ZNF480: variants seen among roughly 807,000 people sequenced by gnomAD.
ZNF480 encodes the protein zinc finger protein 480.
A neutral mutation model predicts 14.4 loss-of-function variants in ZNF480; 15 were observed. The observed-to-expected ratio is 1.04, with a 90% CI of 0.70 to 1.60. The LOEUF (loss-of-function observed/expected upper bound fraction) is 1.60, where lower values mean the gene tolerates loss of function less well. Ranked by LOEUF, ZNF480 falls within the 40% of genes most tolerant of loss-of-function variation. The pLI is 0.00. For synonymous variants in ZNF480, 218 were observed against 215.5 expected (o/e 1.01, Z -0.10); for missense variants, 593 against 629.7 (o/e 0.94, Z 0.62).
At chr19:52,308,550 A>G (rs979439995) in intron 2 of ZNF480, 1 of 151,972 alleles carries the variant, frequency 6.6e-6, no homozygotes, top group African/African-American at 2.4e-5. Context: ...CAGGTGATCC[A>G]CCCACCTCAG....
chr19:52,309,941 T>C (rs1427718267), intron 2 of ZNF480, among the ~76,000 whole-genome samples: 1 of 152,222 alleles, frequency 6.6e-6, no homozygotes, highest in Non-Finnish European at 1.5e-5. Context: ...CTAAGGGAGA[T>C]GTCAGATGTT....
At position 52,324,300 on chromosome 19, in the gene ZNF480, TA is replaced by T. The variant is rs1181700142; in HGVS notation, c.*1447del. 1 of 152,012 alleles carries T rather than the reference TA, an allele frequency of 6.6e-6. No individual in the cohort carries two copies. The highest frequency in any genetic ancestry group is 1.5e-5 in the Non-Finnish European group (1 of 67,948). 9.4% of individuals were successfully genotyped at this position (152,012 alleles called of 1,614,324 possible). On this transcript the variant is annotated 3_prime_UTR_variant, in exon 5 of 5. Coordinates refer to ENST00000595962, the MANE Select transcript of ZNF480 (RefSeq NM_144684.4). The stretch of plus-strand genomic sequence containing the variant: ...CAGTGCACAAAGAAATCAGAAACAA[TA>T]AAAATTGAAAAATATCTCATGCTCA...
rs776360489 is a variant in ZNF480 at position 52,325,515 on chromosome 19, C to A, written c.*2657C>A. ...CTCAATAGCAAAGATGTGGAATCAA[C>A]GTAAATGCCCATCAGCAGTAGACCA... is the stretch of plus-strand genomic sequence containing the variant. On this transcript the variant is annotated 3_prime_UTR_variant, in exon 5 of 5. Coordinates refer to ENST00000595962, the MANE Select transcript of ZNF480 (RefSeq NM_144684.4). 1.6e-4 allele frequency: 25 copies of A among 152,144 alleles called. No homozygotes were observed. Among genetic ancestry groups the A allele is most frequent in the African/African-American group, 6.0e-4 (25 of 41,434 alleles). 9.4% of individuals were successfully genotyped at this position (152,144 alleles called of 1,614,324 possible).
rs142096408 is a variant in ZNF480, at chr19:52,317,809, A to G, written c.328+1847A>G. 1.5e-4 allele frequency among the ~76,000 whole-genome samples: 23 copies of G among 152,260 alleles called. No homozygotes were observed. In the East Asian group the frequency reaches 4.4e-3, roughly 29 times the overall value. On this transcript the variant is annotated intron_variant, in intron 4 of 4. Coordinates refer to ENST00000595962, the MANE Select transcript of ZNF480 (RefSeq NM_144684.4). ...AATTTTCCACCAACAGTGGCACAAA[A>G]TTCTCCTATTTCTCCATATTTTCGA...
At chr19:52,315,663 T>G (rs944856611) in intron 3 of ZNF480, among the ~76,000 whole-genome samples, 171 bp from the exon 4 acceptor site, 8 of 152,152 alleles carry the variant, frequency 5.3e-5, no homozygotes, top group African/African-American at 1.9e-4. Context: ...GGAAAGGGGC[T>G]TGATGTCTGC....
Position 52,322,426 on chromosome 19 carries a change from T to C in ZNF480, c.1176T>C (p.Ile392=). ...CGCACCTAGCACAACATTGGAGAAT[T>C]CATACAGGAGAGAAACCTTACAAAT... ...QNSHLAQHWR[I]HTGEKPYKCN... The change falls in exon 5 of 5, where the codon ATT becomes ATC. Residue 392 remains isoleucine, a synonymous_variant. Transcript: ENST00000595962. 6.2e-7 allele frequency: 1 copy of C among 1,613,970 alleles called. No homozygotes were observed. The highest frequency in any genetic ancestry group is 8.5e-7 in the Non-Finnish European group (1 of 1,179,972).
intron 1 of ZNF480, among the ~76,000 whole-genome samples, chr19:52,298,743 G>A (rs935078720): frequency 3.9e-5 from 6 of 152,076 alleles, no homozygotes; most frequent in African/African-American, 1.4e-4. Flanking sequence ...AGAACAGGTG[G>A]AAGAGAAGGA....
chr19:52,297,401 G>A (rs1036788258), intron 1 of ZNF480, among the ~76,000 whole-genome samples, 178 bp downstream of exon 1: 3 of 151,660 alleles, frequency 2.0e-5, no homozygotes, highest in African/African-American at 7.3e-5. Flanking sequence ...AAATCGCTCG[G>A]CGGCGGGTCC....
chr19:52,309,108 C>T (rs1983145263), intron 2 of ZNF480, among the ~76,000 whole-genome samples: 1 of 152,104 alleles, frequency 6.6e-6, no homozygotes, highest in African/African-American at 2.4e-5. Context: ...GTAAAATTCT[C>T]AGTGATTGTT....
chr19:52,316,307 AC>A (rs1983556126), intron 4 of ZNF480, among the ~76,000 whole-genome samples: 1 of 150,130 alleles, frequency 6.7e-6, no homozygotes, highest in Non-Finnish European at 1.5e-5. Flanking sequence ...GTTCATTGCA[AC>A]CTCTGCCTCC....
chr19:52,311,298 A>C (rs1983273320), intron 2 of ZNF480, among the ~76,000 whole-genome samples: 1 of 151,940 alleles, frequency 6.6e-6, no homozygotes. Context: ...ACCCTAGGCA[A>C]CATACTGAAA....
chr19:52,306,108 C>T (rs1386234835), intron 2 of ZNF480, among the ~76,000 whole-genome samples: 1 of 152,100 alleles, frequency 6.6e-6, no homozygotes, highest in East Asian at 1.9e-4. Flanking sequence ...CCTCCAATAC[C>T]ATCACAAGCT....
chr19:52,322,964 T>C lies in ZNF480; in HGVS notation c.*106T>C, dbSNP rs564633009. On this transcript the variant is annotated 3_prime_UTR_variant, in exon 5 of 5. Coordinates refer to ENST00000595962, the MANE Select transcript of ZNF480 (RefSeq NM_144684.4). The stretch of plus-strand genomic sequence containing the variant: ...AGAAATTTTGCAAATGTAAAGAATA[T>C]GACAAGGTCTTCAAACACAAGTTTT... 3 of 973,976 alleles carry C rather than the reference T, an allele frequency of 3.1e-6. No homozygotes were observed. In the African/African-American group the frequency reaches 4.9e-5, roughly 16 times the overall value. The allele number at this position is 973,976 out of a possible 1,614,324, so 60.3% of individuals were successfully genotyped here.
Position 52,325,632 on chromosome 19 carries a change from C to T in ZNF480, c.*2774C>T, listed in dbSNP as rs1391218607. On this transcript the variant is annotated 3_prime_UTR_variant, in exon 5 of 5. Coordinates refer to ENST00000595962, the MANE Select transcript of ZNF480 (RefSeq NM_144684.4). ...GTCCTTTACAGCAACATAGATGGAG[C>T]TGAGGCTCTTATCCTAAGTGAATTA... 1 of 152,198 alleles carries T rather than the reference C, an allele frequency of 6.6e-6. No homozygotes were observed. Among genetic ancestry groups the T allele is most frequent in the Non-Finnish European group, 1.5e-5 (1 of 68,048 alleles). The allele number at this position is 152,198 out of a possible 1,614,324, so 9.4% of individuals were successfully genotyped here. A position where few individuals can be genotyped will look rare whatever the true frequency, so the allele number is the denominator to read the frequency against.
chr19:52,309,507 A>C (rs1983165556), intron 2 of ZNF480, among the ~76,000 whole-genome samples: 1 of 152,162 alleles, frequency 6.6e-6, no homozygotes, highest in South Asian at 2.1e-4. Flanking sequence ...GGGCCCTGTT[A>C]CTTCAATGCT....
chr19:52,300,836 A>G, intron 2 of ZNF480: 1 of 288,662 alleles, frequency 3.5e-6, no homozygotes, highest in Admixed American at 4.5e-5. Context: ...TCCTTATGGG[A>G]AACAAAACAT....
chr19:52,319,816 T>G (rs867171634), intron 4 of ZNF480, among the ~76,000 whole-genome samples: 11,938 of 98,288 alleles, frequency 0.12, 666 homozygotes, highest in African/African-American at 0.23. Context: ...ACTGTGTTTT[T>G]TTTTTTTTTT....
At chr19:52,319,422 G>T (rs963976893) in intron 4 of ZNF480, among the ~76,000 whole-genome samples, 8 of 152,122 alleles carry the variant, frequency 5.3e-5, no homozygotes, top group African/African-American at 1.9e-4. Flanking sequence ...CTTCTGGCAG[G>T]CAAAGTTTCC....
At chr19:52,307,876 A>C (rs1252396354) in intron 2 of ZNF480, among the ~76,000 whole-genome samples, 2 of 152,170 alleles carry the variant, frequency 1.3e-5, no homozygotes, top group African/African-American at 4.8e-5. Context: ...TTCTCCAGTA[A>C]ACCAACAACT....
Sources: allele counts gnomAD v4.1 joint callset (sites outside exome capture counted in the v4.1 genomes callset), GRCh38; gene constraint gnomAD v4.1.1; transcripts MANE v1.5; gene names NCBI Gene and HGNC (gene_info 2026-07-23, HGNC 2026-07-21).